The following TMEM165 variants were observed in gnomAD, a reference collection of about 807,000 sequenced individuals.
TMEM165 encodes transmembrane protein 165, also known as putative divalent cation/proton antiporter TMEM165.
In TMEM165, 19 loss-of-function variants were observed where a neutral mutation model predicts 30.0. That is an observed-to-expected ratio of 0.63 (90% CI 0.44 to 0.93). TMEM165 has a LOEUF of 0.93. Among genes scored for constraint, TMEM165 ranks in the 40% least tolerant of loss-of-function variants. The pLI is 0.00. For synonymous variants in TMEM165, 168 were observed against 162.9 expected, an observed-to-expected ratio of 1.03 and a Z score of -0.24; for missense variants, 340 against 417.0, an observed-to-expected ratio of 0.82 and a Z score of 1.61.
At chr4:55,397,707 T>TTTCCTTTCCTTTTTCCTTTCCTTTCTCCC (rs1720784706) in intron 1 of TMEM165, among the ~76,000 whole-genome samples, 2 of 151,820 alleles carry the variant, frequency 1.3e-5, no homozygotes, top group African/African-American at 4.8e-5. Context: ...TCATTTCTCC[T>TTTCCTTTCCTTTTTCCTTTCCTTTCTCCC]TTCCTTTCCT....
chr4:55,440,228 GACATTCTAACAGTGAATAA>G (rs1723246324), intron 3 of TMEM165, among the ~76,000 whole-genome samples: 2 of 152,076 alleles, frequency 1.3e-5, no homozygotes, highest in Admixed American at 6.6e-5. Flanking sequence ...AAAACCAAAT[GACATTCTAACAGTGAATAA>G]AAACTCCTCT....
chr4:55,428,867 G>C (rs772487233), downstream of TMEM165: 21 of 150,864 alleles, frequency 1.4e-4, no homozygotes, highest in Non-Finnish European at 2.9e-4. Flanking sequence ...TTTACATAGA[G>C]TGAATATGAA....
At chr4:55,433,146 G>C (rs1464240371) in intron 3 of TMEM165, 1 of 152,602 alleles carries the variant, frequency 6.6e-6, no homozygotes, top group Admixed American at 6.5e-5. Flanking sequence ...AAGGGGAGAA[G>C]AACAATGCTA....
At chr4:55,397,351 C>A (rs1336305802) in intron 1 of TMEM165, 2 of 152,204 alleles carry the variant, frequency 1.3e-5, no homozygotes, top group Non-Finnish European at 2.9e-5. Flanking sequence ...CTCCAGCTCA[C>A]CTCCAGGCTT....
intron 4 of TMEM165, among the ~76,000 whole-genome samples, chr4:55,418,860 A>G (rs890624451): frequency 3.3e-5 from 5 of 152,106 alleles, no homozygotes; most frequent in African/African-American, 9.7e-5. Flanking sequence ...CAGCCTGACC[A>G]GCATGGAGAA....
At chr4:55,396,477 C>T in intron 1 of TMEM165, 81 bp downstream of exon 1, 1 of 1,216,986 alleles carries the variant, frequency 8.2e-7, no homozygotes, top group Non-Finnish European at 1.1e-6. Flanking sequence ...GAAAGCGCCG[C>T]ACTCCGCCGG....
chr4:55,398,069 T>C (rs942645350), intron 1 of TMEM165, among the ~76,000 whole-genome samples: 11 of 152,250 alleles, frequency 7.2e-5, no homozygotes, highest in African/African-American at 2.7e-4. Flanking sequence ...CATGTTACTT[T>C]CTTAGGCTTT....
At chr4:55,435,669 C>T in intron 3 of TMEM165, 1 of 1,457,684 alleles carries the variant, frequency 6.9e-7, no homozygotes, top group Non-Finnish European at 9.6e-7. Context: ...TCACACTCTC[C>T]CCTGTCCATA....
downstream of TMEM165, among the ~76,000 whole-genome samples, chr4:55,427,000 T>TTTG (rs1319831343): frequency 7.9e-5 from 12 of 151,494 alleles, no homozygotes; most frequent in African/African-American, 2.4e-4. Context: ...AGATTGTTTG[T>TTTG]TTGTTATAAA....
intron 1 of TMEM165, among the ~76,000 whole-genome samples, chr4:55,405,036 T>C (rs755323917): frequency 5.9e-5 from 9 of 152,184 alleles, no homozygotes; most frequent in Non-Finnish European, 1.2e-4. Flanking sequence ...ATATCTAAGA[T>C]AGTTTTTTTT....
chr4:55,435,406 G>A (rs2109620688), intron 3 of TMEM165: 1 of 1,613,840 alleles, frequency 6.2e-7, no homozygotes, highest in East Asian at 2.2e-5. Context: ...AAGAGAGGAA[G>A]CACGTGTGCT....
chr4:55,442,610 G>T, intron 3 of TMEM165: 1 of 1,612,940 alleles, frequency 6.2e-7, no homozygotes, highest in Non-Finnish European at 8.5e-7. Flanking sequence ...TGCTGACTGT[G>T]CCCACTCAGT....
chr4:55,416,825 G>T, intron 2 of TMEM165: 1 of 331,310 alleles, frequency 3.0e-6, no homozygotes, highest in Non-Finnish European at 5.5e-6. Context: ...CATCTCTCAG[G>T]AAGATGTGCC....
chr4:55,418,276 T>C (rs968665451), intron 4 of TMEM165: 7 of 277,852 alleles, frequency 2.5e-5, no homozygotes, highest in African/African-American at 6.6e-5. Context: ...TTTCTTATCA[T>C]AGAACTTTCT....
chr4:55,417,559 G>A, intron 3 of TMEM165: 1 of 547,008 alleles, frequency 1.8e-6, no homozygotes. Context: ...GTCTAGGATA[G>A]TAAGTGAGCA....
chr4:55,450,110 C>G (rs374332338), intron 3 of TMEM165: 27 of 1,613,852 alleles, frequency 1.7e-5, no homozygotes, highest in Non-Finnish European at 2.2e-5. Context: ...CTGAGACGGC[C>G]GTGTGAGATG....
chr4:55,418,581 T>G (rs1295975584), intron 4 of TMEM165, among the ~76,000 whole-genome samples: 1 of 152,068 alleles, frequency 6.6e-6, no homozygotes, highest in Non-Finnish European at 1.5e-5. Flanking sequence ...AATTGACTGT[T>G]GCACAGACTA....
intron 3 of TMEM165, among the ~76,000 whole-genome samples, chr4:55,445,582 CTTTTTTTTTTT>C (rs56157186): frequency 2.5e-4 from 17 of 68,574 alleles, no homozygotes; most frequent in Non-Finnish European, 2.5e-4. Context: ...TTTCTATATT[CTTTTTTTTTTT>C]TTTTTTTTTT....
intron 1 of TMEM165, among the ~76,000 whole-genome samples, chr4:55,400,296 A>AATATTATATATAATATATAATATAATAT (rs1553884939): frequency 4.8e-5 from 5 of 103,600 alleles, no homozygotes; most frequent in African/African-American, 2.2e-4. Context: ...TATTATATAT[A>AATATTATATATAATATATAATATAATAT]ATATTATATA....
Sources: allele counts gnomAD v4.1 joint callset (sites outside exome capture counted in the v4.1 genomes callset), GRCh38; gene constraint gnomAD v4.1.1; transcripts MANE v1.5; gene names NCBI Gene and HGNC (gene_info 2026-07-23, HGNC 2026-07-21).